SCAI: variants seen among roughly 807,000 people sequenced by gnomAD.
SCAI encodes suppressor of cancer cell invasion, also known as protein SCAI.
In SCAI, 24 loss-of-function variants were observed where a neutral mutation model predicts 92.2. That is an observed-to-expected ratio of 0.26 (90% CI 0.19 to 0.37). The LOEUF (loss-of-function observed/expected upper bound fraction) is 0.37, where lower values mean the gene tolerates loss of function less well. Among genes scored for constraint, SCAI ranks in the 10% least tolerant of loss-of-function variants. The probability of loss-of-function intolerance (pLI) is 1.00; values close to 1 mark genes in which losing one functional copy is unlikely to be tolerated. For missense variants in SCAI, 450 were observed against 736.2 expected, an observed-to-expected ratio of 0.61 and a Z score of 4.50; for synonymous variants, 261 against 258.6, an observed-to-expected ratio of 1.01 and a Z score of -0.09.
At chr9:124,968,383 G>A (rs1046148177) in intron 17 of SCAI, 5 of 1,161,680 alleles carry the variant, frequency 4.3e-6, no homozygotes, top group African/African-American at 1.5e-5. Flanking sequence ...ACATCATGGA[G>A]GGACACGCAA....
At chr9:125,099,998 C>G (rs913628680) in intron 2 of SCAI, among the ~76,000 whole-genome samples, 4 of 152,232 alleles carry the variant, frequency 2.6e-5, no homozygotes, top group African/African-American at 7.2e-5. Flanking sequence ...TGCTACTAAC[C>G]TTGGTGTACC....
intron 6 of SCAI, among the ~76,000 whole-genome samples, chr9:125,025,506 C>T (rs1014606713): frequency 2.0e-5 from 3 of 152,098 alleles, no homozygotes; most frequent in Non-Finnish European, 2.9e-5. Context: ...TTTTTAATGC[C>T]GATAAAATGT....
In SCAI at chr9:124,944,894, A is replaced by T. The variant is rs1588108015; in HGVS notation, c.*7913T>A. On this transcript the variant is annotated 3_prime_UTR_variant, in exon 18 of 18. Coordinates refer to ENST00000336505, the MANE Select transcript of SCAI (RefSeq NM_001144877.3). ...GAAGAGAAAAGAAAATCAGTGATAT[A>T]ACAAACATTTAAGTATCATTTACGG... is the stretch of plus-strand genomic sequence containing the variant. The T allele has an allele frequency of 6.6e-6, 1 of 152,228 alleles. No individual in the cohort carries two copies. The highest frequency in any genetic ancestry group is 1.9e-4 in the East Asian group (1 of 5,198). The allele number at this position is 152,228 out of a possible 1,614,324, so 9.4% of individuals were successfully genotyped here. A position where few individuals can be genotyped will look rare whatever the true frequency, so the allele number is the denominator to read the frequency against.
intron 4 of SCAI, among the ~76,000 whole-genome samples, chr9:125,029,425 C>T (rs1176119419): frequency 6.6e-6 from 1 of 152,062 alleles, no homozygotes; most frequent in Non-Finnish European, 1.5e-5. Context: ...CCTGGCCATA[C>T]ATTTTAAGAT....
chr9:125,047,295 G>A (rs538041438), intron 3 of SCAI, among the ~76,000 whole-genome samples: 1 of 152,286 alleles, frequency 6.6e-6, no homozygotes, highest in Admixed American at 6.5e-5. Context: ...GAGGGCACAG[G>A]AAGGAGGCAT....
At chr9:125,070,901 A>G (rs918034049) in intron 2 of SCAI, among the ~76,000 whole-genome samples, 1 of 152,164 alleles carries the variant, frequency 6.6e-6, no homozygotes, top group African/African-American at 2.4e-5. Flanking sequence ...TGTAGCTTCC[A>G]TAATTCCCAT....
At chr9:125,124,893 C>A (rs752586402) in intron 2 of SCAI, among the ~76,000 whole-genome samples, 1 of 152,230 alleles carries the variant, frequency 6.6e-6, no homozygotes, top group Non-Finnish European at 1.5e-5. Context: ...AACTACCTTA[C>A]GGCCCTTCCC....
At chr9:125,107,344 G>T (rs1834821697) in intron 2 of SCAI, among the ~76,000 whole-genome samples, 1 of 151,524 alleles carries the variant, frequency 6.6e-6, no homozygotes, top group Non-Finnish European at 1.5e-5. Context: ...AGGAGGCGGA[G>T]GTTGCAGTGA....
At chr9:124,989,037 G>C (rs1301319642) in intron 14 of SCAI, among the ~76,000 whole-genome samples, 2 of 152,226 alleles carry the variant, frequency 1.3e-5, no homozygotes, top group East Asian at 1.9e-4. Context: ...TACTCGGGAG[G>C]CTGAGGCAGG....
chr9:124,991,635 A>C (rs1429024815), intron 14 of SCAI, among the ~76,000 whole-genome samples: 1 of 151,490 alleles, frequency 6.6e-6, no homozygotes. Context: ...TCAGGAGTTC[A>C]AGACCAGCCT....
chr9:125,104,235 C>T (rs982962539), intron 2 of SCAI, among the ~76,000 whole-genome samples: 4 of 152,156 alleles, frequency 2.6e-5, no homozygotes, highest in African/African-American at 9.7e-5. Flanking sequence ...AACAATTCTT[C>T]CTATTATATT....
intron 2 of SCAI, among the ~76,000 whole-genome samples, chr9:125,134,537 T>G (rs930484064): frequency 6.6e-6 from 1 of 152,236 alleles, no homozygotes; most frequent in Admixed American, 6.5e-5. Flanking sequence ...CTTTCATCAA[T>G]GTGAATCCTA....
chr9:125,106,208 C>G (rs1435612730), intron 2 of SCAI, among the ~76,000 whole-genome samples: 5 of 122,890 alleles, frequency 4.1e-5, no homozygotes. Context: ...AAATTTTGGT[C>G]TAAATACCTT....
chr9:125,131,826 C>T (rs1357812587), intron 2 of SCAI, among the ~76,000 whole-genome samples: 5 of 152,182 alleles, frequency 3.3e-5, no homozygotes, highest in Non-Finnish European at 5.9e-5. Flanking sequence ...TCCTGTGTTT[C>T]AGTGTAGATT....
At chr9:125,009,380 C>T (rs921044857) in intron 9 of SCAI, among the ~76,000 whole-genome samples, 6 of 152,186 alleles carry the variant, frequency 3.9e-5, no homozygotes, top group Admixed American at 2.0e-4. Flanking sequence ...AGCAATTCTC[C>T]TGCCTCAGCC....
At chr9:125,029,148 C>G (rs1022843359) in intron 4 of SCAI, among the ~76,000 whole-genome samples, 1 of 151,630 alleles carries the variant, frequency 6.6e-6, no homozygotes, top group African/African-American at 2.4e-5. Flanking sequence ...GAGACAGGGT[C>G]TCTCTCTGTT....
At chr9:125,006,079 G>A (rs1424348297) in intron 9 of SCAI, among the ~76,000 whole-genome samples, 3 of 152,148 alleles carry the variant, frequency 2.0e-5, no homozygotes, top group Admixed American at 2.0e-4. Context: ...GTTGGAAGAA[G>A]GCATCCTCAA....
intron 14 of SCAI, among the ~76,000 whole-genome samples, chr9:124,987,491 G>A (rs1832020344): frequency 6.6e-6 from 1 of 151,980 alleles, no homozygotes; most frequent in Admixed American, 6.5e-5. Context: ...TCTAATATGA[G>A]GCTCAGACAA....
chr9:125,028,172 A>G (rs1337542062), intron 5 of SCAI, among the ~76,000 whole-genome samples: 1 of 152,214 alleles, frequency 6.6e-6, no homozygotes, highest in African/African-American at 2.4e-5. Flanking sequence ...GAGTCTGACC[A>G]AATGAAGTGT....
Sources: gnomAD v4.1 joint callset for allele counts (sites outside exome capture counted in the v4.1 genomes callset) on GRCh38, gnomAD v4.1.1 for gene constraint, MANE v1.5 for transcripts, NCBI Gene and HGNC (gene_info 2026-07-23, HGNC 2026-07-21) for gene names.